METTL25: variants seen among roughly 807,000 people sequenced by gnomAD.
METTL25 encodes the protein methyltransferase like 25.
A neutral mutation model predicts 71.6 loss-of-function variants in METTL25; 64 were observed. That is an observed-to-expected ratio of 0.89 (90% CI 0.73 to 1.10). The LOEUF (loss-of-function observed/expected upper bound fraction) is 1.10. METTL25 is among the 50% of genes least tolerant of loss of function. METTL25 has a pLI of 0.00. For missense variants in METTL25, 807 were observed against 707.0 expected, an observed-to-expected ratio of 1.14 and a Z score of -1.60; for synonymous variants, 287 against 250.3, an observed-to-expected ratio of 1.15 and a Z score of -1.38.
intron 5 of METTL25, among the ~76,000 whole-genome samples, chr12:82,418,762 A>T (rs1301727959): frequency 2.0e-5 from 3 of 152,152 alleles, no homozygotes; most frequent in African/African-American, 7.2e-5. Context: ...TTTCAAGATA[A>T]ATGAATCCAT....
At chr12:82,449,538 C>T (rs1049457768) in intron 8 of METTL25, among the ~76,000 whole-genome samples, 8 of 152,114 alleles carry the variant, frequency 5.3e-5, no homozygotes, top group African/African-American at 1.9e-4. Flanking sequence ...CCTTTCATTC[C>T]AGGACCTCTG....
rs753029897 is a variant in METTL25 at position 82,478,939 on chromosome 12, T to C, written c.1727T>C (p.Ile576Thr). 5 of 1,610,858 alleles carry C rather than the reference T, an allele frequency of 3.1e-6. No homozygotes were observed. The East Asian group carries it at 1.1e-4, about 36-fold the overall frequency. The change falls in exon 12 of 12, where the codon ATT (isoleucine) becomes ACT (threonine). Residue 576 changes from isoleucine to threonine, a missense_variant. Physicochemically the swap from Ile to Thr is moderately conservative, Grantham distance 89 (BLOSUM62 -1). Coordinates refer to ENST00000248306, the MANE Select transcript of METTL25 (RefSeq NM_032230.3). ...RLCYLKEQED[I>T]AWSALVKLFD... ...TCACTTATTAATTTACAGGAAGATATTGCATGGTCTGCTCTTGTGAAGTTG... is the reference window on the plus strand; with the variant it reads ...TCACTTATTAATTTACAGGAAGATACTGCATGGTCTGCTCTTGTGAAGTTG...
At chr12:82,427,598 T>C (rs185802357) in intron 5 of METTL25, among the ~76,000 whole-genome samples, 11 of 152,130 alleles carry the variant, frequency 7.2e-5, no homozygotes, top group Admixed American at 4.6e-4. Context: ...TTTTGTTTCA[T>C]ATTTCATTAA....
intron 5 of METTL25, among the ~76,000 whole-genome samples, chr12:82,404,595 C>T (rs371953178): frequency 1.3e-5 from 2 of 152,128 alleles, no homozygotes; most frequent in East Asian, 3.9e-4. Flanking sequence ...CAAGAGTTTC[C>T]TGTTCTGTAG....
chr12:82,445,006 A>T (rs1890638715), intron 8 of METTL25, among the ~76,000 whole-genome samples: 1 of 152,204 alleles, frequency 6.6e-6, no homozygotes, highest in Admixed American at 6.5e-5. Flanking sequence ...AGTGTATAAC[A>T]TGTACATCAA....
In METTL25 at chr12:82,386,910, T is replaced by C; in HGVS notation, c.367T>C (p.Cys123Arg). 3 of 1,613,522 alleles carry C rather than the reference T, an allele frequency of 1.9e-6. No individual in the cohort carries two copies. The highest frequency in any genetic ancestry group is 2.5e-6 in the Non-Finnish European group (3 of 1,179,634). Residue 123 changes from cysteine to arginine, a missense_variant, in exon 2 of 12, where the codon TGT becomes CGT. Physicochemically the swap from Cys to Arg is radical, Grantham distance 180. Coordinates refer to ENST00000248306, the MANE Select transcript of METTL25 (RefSeq NM_032230.3). ...KYYSVQNLGI[C>R]TPFEQLLVAL... is the part of the protein sequence containing the mutation. The stretch of plus-strand genomic sequence containing the variant: ...CTATTCTGTACAAAACTTGGGAATA[T>C]GTACTCCTTTTGAACAGTTGCTTGT...
At chr12:82,391,221 T>G (rs998771760) in intron 3 of METTL25, among the ~76,000 whole-genome samples, 3 of 151,988 alleles carry the variant, frequency 2.0e-5, no homozygotes, top group Admixed American at 1.3e-4. Context: ...GACTTAGATT[T>G]TATATAGAAA....
At chr12:82,404,111 A>G (rs1013262745) in intron 5 of METTL25, among the ~76,000 whole-genome samples, 4 of 152,128 alleles carry the variant, frequency 2.6e-5, no homozygotes, top group African/African-American at 9.6e-5. Context: ...ATTGGCACAC[A>G]TTTTTACGAA....
intron 1 of METTL25, chr12:82,369,575 C>A: frequency 2.7e-6 from 1 of 368,568 alleles, no homozygotes; most frequent in Non-Finnish European, 5.3e-6. Context: ...GTGTTAACAG[C>A]TCTTAAAGGT....
At chr12:82,454,216 G>C (rs1891331768) in intron 8 of METTL25, among the ~76,000 whole-genome samples, 1 of 152,080 alleles carries the variant, frequency 6.6e-6, no homozygotes, top group Admixed American at 6.6e-5. Flanking sequence ...TGAAGGAAAA[G>C]TTCTCTGTGT....
chr12:82,418,937 A>C (rs1179032004), intron 5 of METTL25, among the ~76,000 whole-genome samples: 1 of 152,318 alleles, frequency 6.6e-6, no homozygotes, highest in African/African-American at 2.4e-5. Flanking sequence ...AAGTGAAGTC[A>C]TTATATGACA....
chr12:82,472,467 G>A (rs767123550), intron 9 of METTL25, among the ~76,000 whole-genome samples: 33 of 152,140 alleles, frequency 2.2e-4, no homozygotes, highest in East Asian at 5.8e-4. Flanking sequence ...GCGTGGTGGC[G>A]GGTGCCTGTA....
intron 1 of METTL25, among the ~76,000 whole-genome samples, chr12:82,363,228 A>G (rs1882165920): frequency 6.6e-6 from 1 of 152,216 alleles, no homozygotes; most frequent in Non-Finnish European, 1.5e-5. Flanking sequence ...ACACTGGCAA[A>G]AAACTTTTGA....
intron 9 of METTL25, among the ~76,000 whole-genome samples, chr12:82,475,432 A>G (rs1892827767): frequency 6.6e-6 from 1 of 152,178 alleles, no homozygotes; most frequent in Admixed American, 6.5e-5. Context: ...TTCACAAGAA[A>G]TTGAATGAGA....
intron 5 of METTL25, among the ~76,000 whole-genome samples, chr12:82,410,300 A>G (rs1887454336): frequency 6.6e-6 from 1 of 152,144 alleles, no homozygotes; most frequent in South Asian, 2.1e-4. Flanking sequence ...GTCTTAGTCC[A>G]TTAATGGCAA....
rs113388547 is a variant in METTL25, at chr12:82,450,198, T to C, written c.1479-6529T>C. Among the ~76,000 whole-genome samples, 458 of 152,228 alleles carry C rather than the reference T, an allele frequency of 3.0e-3. 3 individuals carry two copies. Among genetic ancestry groups the C allele is most frequent in the African/African-American group, 0.011 (442 of 41,562 alleles). On this transcript the variant is annotated intron_variant, in intron 8 of 11. Transcript: ENST00000248306. Reference sequence around the variant, plus strand: ...TGAGGTGGCTTTTTTTTTCTGTCTATACCTACTACATACCTTATTTCATCC... The same window carrying C: ...TGAGGTGGCTTTTTTTTTCTGTCTACACCTACTACATACCTTATTTCATCC...
At chr12:82,399,948 C>CAAA (rs11404604) in intron 4 of METTL25, among the ~76,000 whole-genome samples, 2 of 142,060 alleles carry the variant, frequency 1.4e-5, no homozygotes, top group African/African-American at 2.6e-5. Context: ...CTCATTGTCT[C>CAAA]AAAAAAAAAA....
intron 1 of METTL25, chr12:82,373,920 G>GA (rs1565805167): frequency 6.5e-6 from 1 of 152,680 alleles, no homozygotes; most frequent in African/African-American, 2.4e-5. Flanking sequence ...GAATTCTAAG[G>GA]AAAAATAGGA....
intron 1 of METTL25, 62 bp downstream of exon 1, chr12:82,358,886 C>G (rs1271882956): frequency 1.3e-6 from 2 of 1,536,696 alleles, no homozygotes; most frequent in Middle Eastern, 1.9e-4. Flanking sequence ...GCAGACGAAG[C>G]GAGCCCCCTG....
Sources: allele counts gnomAD v4.1 joint callset (sites outside exome capture counted in the v4.1 genomes callset), GRCh38; gene constraint gnomAD v4.1.1; transcripts MANE v1.5; gene names NCBI Gene and HGNC (gene_info 2026-07-23, HGNC 2026-07-21).